SP3: variants seen among roughly 807,000 people sequenced by gnomAD.
SP3 encodes the protein transcription factor Sp3.
In SP3, 10 loss-of-function variants were observed where a neutral mutation model predicts 70.3. The ratio of observed to expected loss-of-function variants is 0.14; its 90% CI spans 0.09 to 0.24. The LOEUF (loss-of-function observed/expected upper bound fraction) is 0.24. Ranked by LOEUF, SP3 falls within the 10% of genes least tolerant of loss-of-function variation. The probability of loss-of-function intolerance (pLI) is 1.00; values close to 1 mark genes in which losing one functional copy is unlikely to be tolerated. For missense variants in SP3, 825 were observed against 914.6 expected (o/e 0.90, Z 1.26); for synonymous variants, 402 against 333.5 (o/e 1.21, Z -2.24).
intron 4 of SP3, among the ~76,000 whole-genome samples, chr2:173,920,102 T>C (rs982509328): frequency 1.3e-5 from 2 of 152,182 alleles, no homozygotes; most frequent in Admixed American, 6.5e-5. Context: ...GCACCCCCTA[T>C]GTATTCCCTT....
chr2:173,958,783 A>C (rs1189921077), intron 3 of SP3, among the ~76,000 whole-genome samples: 1 of 152,084 alleles, frequency 6.6e-6, no homozygotes, highest in Non-Finnish European at 1.5e-5. Flanking sequence ...CACAAGAAAA[A>C]AAAAAAAGCT....
At chr2:173,936,749 A>G (rs1167755890) in intron 4 of SP3, among the ~76,000 whole-genome samples, 1 of 152,192 alleles carries the variant, frequency 6.6e-6, no homozygotes, top group African/African-American at 2.4e-5. Context: ...ATACCTATTA[A>G]TATCTTACGA....
chr2:173,959,648 G>A (rs1691000646), intron 3 of SP3, among the ~76,000 whole-genome samples: 1 of 152,202 alleles, frequency 6.6e-6, no homozygotes. Flanking sequence ...CAGCTACTCT[G>A]GGGGCTGAGG....
In SP3 at chr2:173,904,419, C is replaced by G. The variant is rs1689258003; in HGVS notation, c.*5522G>C. Among the ~76,000 whole-genome samples the G allele has an allele frequency of 6.6e-6, 1 of 151,464 alleles. No individual in the cohort carries two copies. Among genetic ancestry groups the G allele is most frequent in the Non-Finnish European group, 1.5e-5 (1 of 68,012 alleles). On this transcript the variant is annotated 3_prime_UTR_variant, in exon 7 of 7. Transcript: ENST00000310015. The stretch of plus-strand genomic sequence containing the variant: ...AACAGCCTTCTGACTTAAGAAAAAA[C>G]TAAGTTGGGGAGTCTCTCTGTAAGG...
intron 4 of SP3, among the ~76,000 whole-genome samples, chr2:173,934,468 A>G (rs1574410496): frequency 6.6e-6 from 1 of 152,208 alleles, no homozygotes; most frequent in East Asian, 1.9e-4. Context: ...AAGTAGGGAG[A>G]AAGCAGGAAA....
intron 6 of SP3, among the ~76,000 whole-genome samples, chr2:173,912,164 A>G (rs143249172): frequency 1.6e-4 from 24 of 152,342 alleles, no homozygotes; most frequent in Non-Finnish European, 2.5e-4. Context: ...CATGTAGGTT[A>G]ATCTCATCTG....
At chr2:173,958,162 T>C (rs1460334927) in intron 3 of SP3, among the ~76,000 whole-genome samples, 2 of 152,098 alleles carry the variant, frequency 1.3e-5, no homozygotes, top group Non-Finnish European at 2.9e-5. Flanking sequence ...TATTGAACTT[T>C]TATCAAAGAA....
rs1184111245 is a variant in SP3, at chr2:173,904,844, T to C, written c.*5097A>G. Among the ~76,000 whole-genome samples, 4 of 152,208 alleles carry C rather than the reference T, an allele frequency of 2.6e-5. No homozygotes were observed. Among genetic ancestry groups the C allele is most frequent in the Non-Finnish European group, 5.9e-5 (4 of 68,046 alleles). On this transcript the variant is annotated 3_prime_UTR_variant, in exon 7 of 7. Coordinates refer to ENST00000310015, the MANE Select transcript of SP3 (RefSeq NM_003111.5). Reference sequence around the variant, plus strand: ...GTCGATTAATCGGAGGCTTAGACTTTTTTTTGTGGGGGAAGGATGGAGGGG... The same window carrying C: ...GTCGATTAATCGGAGGCTTAGACTTCTTTTTGTGGGGGAAGGATGGAGGGG...
At chr2:173,914,983 T>C (rs1046936269) in intron 5 of SP3, 1 of 152,140 alleles carries the variant, frequency 6.6e-6, no homozygotes, top group Non-Finnish European at 1.5e-5. Flanking sequence ...TTCACTCGTG[T>C]ACTCATTATT....
chr2:173,963,708 C>G (rs1355467020), intron 3 of SP3, 53 bp downstream of exon 3: 1 of 733,168 alleles, frequency 1.4e-6, no homozygotes, highest in Non-Finnish European at 1.7e-6. Context: ...CGCCACGGGT[C>G]CGGGATGGCG....
chr2:173,964,025 CCT>C, intron 2 of SP3, 142 bp from the exon 3 acceptor site: 1 of 404,982 alleles, frequency 2.5e-6, no homozygotes, highest in Non-Finnish European at 4.3e-6. Flanking sequence ...TCCTCCTCCT[CCT>C]CCTCCTCCTC....
rs370956719 is a variant in SP3 at position 173,911,684 on chromosome 2, A to G, written c.2029+1386T>C. On this transcript the variant is annotated intron_variant, in intron 6 of 6. Transcript: ENST00000310015. ...TTTTACAACCTGCTGATAAAATCCT[A>G]CTGAGGAAAATTCTGTTAACAGGGC... Among the ~76,000 whole-genome samples the G allele has an allele frequency of 4.0e-4, 61 of 152,180 alleles. 1 individual carries two copies. In the South Asian group the frequency reaches 0.011, roughly 28 times the overall value.
intron 4 of SP3, among the ~76,000 whole-genome samples, chr2:173,941,979 T>C (rs73028254): frequency 0.033 from 5,004 of 152,322 alleles, 143 homozygotes; most frequent in Admixed American, 0.1. Context: ...TACCTTCTCA[T>C]ATGCCTGGTG....
At chr2:173,934,339 G>T (rs1241910847) in intron 4 of SP3, among the ~76,000 whole-genome samples, 1 of 152,028 alleles carries the variant, frequency 6.6e-6, no homozygotes, top group Non-Finnish European at 1.5e-5. Context: ...TGGCCATCAA[G>T]TACTTTAAAT....
At chr2:173,961,648 A>C (rs1448467539) in intron 3 of SP3, among the ~76,000 whole-genome samples, 2 of 152,222 alleles carry the variant, frequency 1.3e-5, no homozygotes, top group Non-Finnish European at 2.9e-5. Context: ...CTTTTCTATA[A>C]ATTTAAAATT....
At chr2:173,932,980 G>A (rs1196576668) in intron 4 of SP3, among the ~76,000 whole-genome samples, 2 of 152,084 alleles carry the variant, frequency 1.3e-5, no homozygotes, top group East Asian at 1.9e-4. Flanking sequence ...GCGACAGTAC[G>A]AGACTGTCTC....
intron 4 of SP3, among the ~76,000 whole-genome samples, chr2:173,946,740 TAA>T (rs1472625344): frequency 6.7e-6 from 1 of 148,446 alleles, no homozygotes; most frequent in East Asian, 1.9e-4. Flanking sequence ...TTTTTTTTTT[TAA>T]GACAGGGCCT....
chr2:173,919,956 TC>T (rs145013495), intron 4 of SP3, among the ~76,000 whole-genome samples: 5,425 of 152,032 alleles, frequency 0.036, 166 homozygotes, highest in Admixed American at 0.1. Flanking sequence ...AACTCACATA[TC>T]CCCTAGTATT....
chr2:173,953,639 C>G, intron 4 of SP3, among the ~76,000 whole-genome samples: 1 of 152,138 alleles, frequency 6.6e-6, no homozygotes, highest in South Asian at 2.1e-4. Flanking sequence ...CCCAGTTATT[C>G]AGGAGCTAAT....
Sources: allele counts gnomAD v4.1 joint callset (sites outside exome capture counted in the v4.1 genomes callset), GRCh38; gene constraint gnomAD v4.1.1; transcripts MANE v1.5; gene names NCBI Gene and HGNC (gene_info 2026-07-23, HGNC 2026-07-21).